The following ZSCAN12 variants were observed in gnomAD, a reference collection of about 807,000 sequenced individuals.
ZSCAN12 encodes the protein zinc finger and SCAN domain-containing protein 12.
A neutral mutation model predicts 23.4 loss-of-function variants in ZSCAN12; 18 were observed. That is an observed-to-expected ratio of 0.77 (90% confidence interval 0.53 to 1.14). The LOEUF (loss-of-function observed/expected upper bound fraction) is 1.14. Ranked by LOEUF, ZSCAN12 falls within the 50% of genes most tolerant of loss-of-function variation. The pLI is 0.00. For missense variants in ZSCAN12, 650 were observed against 735.0 expected (o/e 0.88, Z 1.34); for synonymous variants, 186 against 253.4 (o/e 0.73, Z 2.53).
Position 28,391,861 on chromosome 6 carries a change from G to T in ZSCAN12, c.548-119C>A. The T allele has an allele frequency of 1.2e-6, 1 of 820,668 alleles. No homozygotes were observed. The highest frequency in any genetic ancestry group is 1.8e-6 in the Non-Finnish European group (1 of 555,516). 50.8% of individuals were successfully genotyped at this position (820,668 alleles called of 1,614,324 possible). A position where few individuals can be genotyped will look rare whatever the true frequency, so the allele number is the denominator to read the frequency against. On this transcript the variant is annotated intron_variant, in intron 3 of 3. Coordinates refer to ENST00000684592, the MANE Select transcript of ZSCAN12 (RefSeq NM_001163391.2). The surrounding 1 kb of genome is among the most constrained non-coding windows in gnomAD (Gnocchi z 4.1). ...GAGTCTACCATCTTAGTGATAAAGA[G>T]AGCAAAATATATTTGTTTCAATATG...
At chr6:28,380,383 T>C (rs1760171713), downstream of ZSCAN12, 1 of 152,248 alleles carries the variant, frequency 6.6e-6, no homozygotes, top group African/African-American at 2.4e-5. Flanking sequence ...ATTCATCATG[T>C]TTATTGTGCA....
rs41270581 is a variant in ZSCAN12, at chr6:28,398,025, T to C, written c.381A>G (p.Glu127=). 69 of 1,601,972 alleles carry C rather than the reference T, an allele frequency of 4.3e-5. No individual in the cohort carries two copies. The highest frequency in any genetic ancestry group is 5.8e-5 in the Non-Finnish European group (68 of 1,175,280). The change falls in exon 2 of 4, where the codon GAA becomes GAG. Residue 127 remains glutamate, a synonymous_variant. Transcript: ENST00000684592. ...TCACCTGCTCTCCTGGTTCATCCAGTTCTCTCTCTAAATCCTCCAGCACAG... is the reference window on the plus strand; with the variant it reads ...TCACCTGCTCTCCTGGTTCATCCAGCTCTCTCTCTAAATCCTCCAGCACAG... ...VVTVLEDLER[E]LDEPGEQVSV...
At position 28,390,924 on chromosome 6, in the gene ZSCAN12, G is replaced by A; in HGVS notation, c.1366C>T (p.Leu456Phe). The A allele has an allele frequency of 6.4e-7, 1 of 1,564,794 alleles. No individual in the cohort carries two copies. The highest frequency in any genetic ancestry group is 2.4e-5 in the East Asian group (1 of 42,110). ...GTGTGAATTCTCTGATGCTGAATAA[G>A]GCCACTCTGACTGAAGGATTTCCCA... ...ECGKSFSQSG[L>F]IQHQRIHTGE... is the part of the protein sequence containing the mutation. The change falls in exon 4 of 4, where the codon CTT (leucine) becomes TTT (phenylalanine). Residue 456 changes from leucine (L) to phenylalanine (F), a missense_variant. Physicochemically the swap from Leu to Phe is conservative, Grantham distance 22 (BLOSUM62 0). Transcript: ENST00000684592.
intron 2 of ZSCAN12, among the ~76,000 whole-genome samples, chr6:28,396,754 C>T (rs1051082934): frequency 6.6e-6 from 1 of 151,934 alleles, no homozygotes; most frequent in African/African-American, 2.4e-5. Context: ...ACAGGCATGT[C>T]CTGCCACACC....
Position 28,391,526 on chromosome 6 carries a change from A to G in ZSCAN12, c.764T>C (p.Leu255Pro). 1 of 1,552,174 alleles carries G rather than the reference A, an allele frequency of 6.4e-7. No individual in the cohort carries two copies. The highest frequency in any genetic ancestry group is 2.4e-5 in the East Asian group (1 of 40,918). ...TTCAGTATGGTCAGAGTTCTCAGTC[A>G]GGCTTACTCCATTTTCATCACAGGT... Reference protein sequence around the residue: ...QPTCDENGVSLTENSDHTEHQ... With the variant: ...QPTCDENGVSPTENSDHTEHQ... Residue 255 changes from leucine (L) to proline (P), a missense_variant, in exon 4 of 4, where the codon CTG becomes CCG. Coordinates refer to ENST00000684592, the MANE Select transcript of ZSCAN12 (RefSeq NM_001163391.2). This position sits in a 1 kb window ranked among gnomAD's most constrained non-coding sequence, Gnocchi z 4.1.
chr6:28,396,954 T>G (rs1316881877), intron 2 of ZSCAN12, among the ~76,000 whole-genome samples: 2 of 152,142 alleles, frequency 1.3e-5, no homozygotes, highest in East Asian at 3.9e-4. Context: ...TCCTACCCTC[T>G]CTATTGCATT....
chr6:28,388,592 A>G lies in ZSCAN12; in HGVS notation c.*1862T>C, dbSNP rs550085208. The stretch of plus-strand genomic sequence containing the variant: ...GGAGTATATTACAGGAGTGAAGAGA[A>G]GATGGGACAAAGACACAGGGCTGTG... On this transcript the variant is annotated 3_prime_UTR_variant, in exon 4 of 4. Transcript: ENST00000684592. Among the ~76,000 whole-genome samples the G allele has an allele frequency of 6.6e-6, 1 of 152,332 alleles. No homozygotes were observed. Among genetic ancestry groups the G allele is most frequent in the Non-Finnish European group, 1.5e-5 (1 of 68,022 alleles).
chr6:28,382,792 A>C (rs1446433030), downstream of ZSCAN12, among the ~76,000 whole-genome samples: 2 of 152,152 alleles, frequency 1.3e-5, no homozygotes, highest in Non-Finnish European at 2.9e-5. Flanking sequence ...TTTACTCTCT[A>C]AAAGTTTTTA....
In ZSCAN12 at chr6:28,388,946, C is replaced by G. The variant is rs1322720897; in HGVS notation, c.*1508G>C. On this transcript the variant is annotated 3_prime_UTR_variant, in exon 4 of 4. Coordinates refer to ENST00000684592, the MANE Select transcript of ZSCAN12 (RefSeq NM_001163391.2). ...CTGTTGTCCACTAAAATAATCAAGA[C>G]AGGTTCTCATCCAAAGCAGAATTTT... Among the ~76,000 whole-genome samples, 2 of 152,182 alleles carry G rather than the reference C, an allele frequency of 1.3e-5. No homozygotes were observed. The highest frequency in any genetic ancestry group is 4.8e-5 in the African/African-American group (2 of 41,448).
At position 28,390,868 on chromosome 6, in the gene ZSCAN12, A is replaced by C. The variant is rs1760786508; in HGVS notation, c.1422T>G (p.Cys474Trp). Residue 474 changes from cysteine to tryptophan, a missense_variant, in exon 4 of 4, where the codon TGT becomes TGG. Coordinates refer to ENST00000684592, the MANE Select transcript of ZSCAN12 (RefSeq NM_001163391.2). ...TGEKPYKCDV[C>W]EKAFIQRTSL... ...TTGTCCTTTGAATAAAGGCTTTTTC[A>C]CATACGTCACATTTGTAGGGTTTTT... The C allele has an allele frequency of 6.3e-7, 1 of 1,575,924 alleles. No homozygotes were observed. Among genetic ancestry groups the C allele is most frequent in the South Asian group, 1.2e-5 (1 of 86,312 alleles).
downstream of ZSCAN12, among the ~76,000 whole-genome samples, chr6:28,383,428 C>A (rs151265504): frequency 1.4e-4 from 21 of 152,264 alleles, no homozygotes; most frequent in South Asian, 8.3e-4. Flanking sequence ...GTGCCGCTGC[C>A]GTCAACGGCT....
At position 28,385,333 on chromosome 6, in the gene ZSCAN12, G is replaced by T. The variant is rs1218024559; in HGVS notation, c.*5121C>A. Among the ~76,000 whole-genome samples, 2 of 152,172 alleles carry T rather than the reference G, an allele frequency of 1.3e-5. No homozygotes were observed. Among genetic ancestry groups the T allele is most frequent in the African/African-American group, 4.8e-5 (2 of 41,438 alleles). On this transcript the variant is annotated 3_prime_UTR_variant, in exon 4 of 4. Transcript: ENST00000684592. The stretch of plus-strand genomic sequence containing the variant: ...ATGTCTCCTGTGACACCCTCACTGT[G>T]CAGGCAACAAGAAGTAGAGCTGTTT...
chr6:28,394,024 C>T (rs1760991495), intron 2 of ZSCAN12, among the ~76,000 whole-genome samples: 1 of 152,232 alleles, frequency 6.6e-6, no homozygotes, highest in East Asian at 1.9e-4. Context: ...TCAAGGCTTA[C>T]GTCTCTACTT....
intron 2 of ZSCAN12, among the ~76,000 whole-genome samples, chr6:28,396,086 C>CGT (rs956495843): frequency 7.0e-6 from 1 of 143,496 alleles, no homozygotes; most frequent in Non-Finnish European, 1.5e-5. Flanking sequence ...GTGGTATGAT[C>CGT]GTGGTTCACT....
At chr6:28,392,209 GCT>G (rs1427205035) in intron 3 of ZSCAN12, among the ~76,000 whole-genome samples, 1 of 139,038 alleles carries the variant, frequency 7.2e-6, no homozygotes, top group Non-Finnish European at 1.5e-5. Flanking sequence ...AGACAGTCTT[GCT>G]CTGTTGCTCA....
Position 28,390,704 on chromosome 6 carries a change from T to A in ZSCAN12, c.1586A>T (p.Glu529Val). 1 of 1,612,800 alleles carries A rather than the reference T, an allele frequency of 6.2e-7. No individual in the cohort carries two copies. The highest frequency in any genetic ancestry group is 8.5e-7 in the Non-Finnish European group (1 of 1,179,376). The change falls in exon 4 of 4, where the codon GAG becomes GTG. Residue 529 changes from glutamate (E) to valine (V), a missense_variant. Physicochemically the swap from Glu to Val is moderately radical, Grantham distance 121. Transcript: ENST00000684592. Reference protein sequence around the residue: ...HTGERPYKCDECGNAFRGITS... With the variant: ...HTGERPYKCDVCGNAFRGITS... ...GATTCCTCGGAAGGCATTCCCACAC[T>A]CATCACACTTGTAGGGCCTCTCTCC...
At chr6:28,398,534 G>T in intron 1 of ZSCAN12, 61 bp from the exon 2 acceptor site, 1 of 950,944 alleles carries the variant, frequency 1.1e-6, no homozygotes, top group Non-Finnish European at 1.5e-6. Context: ...TGCAAATTCT[G>T]AGAACTTAAC....
At chr6:28,380,401 T>C (rs1404983526), downstream of ZSCAN12, 1 of 152,286 alleles carries the variant, frequency 6.6e-6, no homozygotes, top group East Asian at 1.9e-4. Flanking sequence ...GCAGATTCTC[T>C]GGTGCACAGT....
rs1760482841 is a variant in ZSCAN12, at chr6:28,385,230, C to T, written c.*5224G>A. On this transcript the variant is annotated 3_prime_UTR_variant, in exon 4 of 4. Transcript: ENST00000684592. ...ATTAGACAGCCAAATATTCCTTATT[C>T]TGTGAGAATAATGCAGAGTGATTTA... Among the ~76,000 whole-genome samples, 1 of 152,132 alleles carries T rather than the reference C, an allele frequency of 6.6e-6. No homozygotes were observed. The highest frequency in any genetic ancestry group is 6.5e-5 in the Admixed American group (1 of 15,274).
Sources: allele counts gnomAD v4.1 joint callset (sites outside exome capture counted in the v4.1 genomes callset), GRCh38; gene constraint gnomAD v4.1.1; non-coding constraint Gnocchi (gnomAD v3.1); transcripts MANE v1.5; gene names NCBI Gene and HGNC (gene_info 2026-07-23, HGNC 2026-07-21).